The following APBA2 variants were observed in gnomAD, a reference collection of about 807,000 sequenced individuals.
The protein encoded by APBA2 is amyloid-beta A4 precursor protein-binding family A member 2.
In APBA2, 30 loss-of-function variants were observed where a neutral mutation model predicts 75.0. The ratio of observed to expected loss-of-function variants is 0.40; its 90% CI spans 0.30 to 0.54. APBA2 has a LOEUF of 0.54. APBA2 is among the 20% of genes least tolerant of loss of function. The pLI, the probability that APBA2 is intolerant of heterozygous loss-of-function variation, is 0.49. For missense variants in APBA2, 801 were observed against 1,016.1 expected, an observed-to-expected ratio of 0.79 and a Z score of 2.88; for synonymous variants, 444 against 409.6, an observed-to-expected ratio of 1.08 and a Z score of -1.01.
chr15:28,957,999 A>G (rs1289548981), intron 2 of APBA2, among the ~76,000 whole-genome samples: 2 of 152,202 alleles, frequency 1.3e-5, no homozygotes, highest in Admixed American at 6.5e-5. Context: ...GCGGGGGAGC[A>G]TTTGGAGGAC....
chr15:28,997,860 C>G (rs574896141), intron 3 of APBA2, among the ~76,000 whole-genome samples: 52 of 152,292 alleles, frequency 3.4e-4, no homozygotes, highest in African/African-American at 1.2e-3. Flanking sequence ...CCCAATTGCT[C>G]TCACCCATCT....
intron 2 of APBA2, among the ~76,000 whole-genome samples, chr15:28,928,156 A>G (rs1399781851): frequency 6.6e-6 from 1 of 151,370 alleles, no homozygotes; most frequent in Non-Finnish European, 1.5e-5. Context: ...AAAAAAAAAA[A>G]AAAGAAACAT....
intron 4 of APBA2, among the ~76,000 whole-genome samples, chr15:29,071,764 C>T (rs2042633080): frequency 6.6e-6 from 1 of 151,364 alleles, no homozygotes; most frequent in South Asian, 2.1e-4. Flanking sequence ...GGAAAGTAAC[C>T]CTGGCTGTTT....
chr15:29,099,237 AC>A (rs2152959309), intron 9 of APBA2, among the ~76,000 whole-genome samples: 1 of 152,214 alleles, frequency 6.6e-6, no homozygotes, highest in African/African-American at 2.4e-5. Flanking sequence ...ATGCCTCATC[AC>A]CCACCTGTGC....
intron 2 of APBA2, among the ~76,000 whole-genome samples, chr15:28,951,986 T>C (rs571666842): frequency 6.6e-6 from 1 of 151,220 alleles, no homozygotes; most frequent in East Asian, 2.0e-4. Context: ...CCTCATGGGT[T>C]CAAGGGATTC....
intron 2 of APBA2, among the ~76,000 whole-genome samples, chr15:28,925,039 C>G (rs1166434791): frequency 6.6e-6 from 1 of 151,976 alleles, no homozygotes; most frequent in Admixed American, 6.6e-5. Context: ...CTTTATCAAG[C>G]TGAAGATGGT....
At chr15:29,086,614 T>C (rs184132163) in intron 6 of APBA2, among the ~76,000 whole-genome samples, 50 of 152,314 alleles carry the variant, frequency 3.3e-4, no homozygotes, top group African/African-American at 1.1e-3. Context: ...AGAATAACAA[T>C]ACCAAACACT....
At chr15:29,002,856 G>A (rs369570828) in intron 3 of APBA2, among the ~76,000 whole-genome samples, 27 of 152,064 alleles carry the variant, frequency 1.8e-4, no homozygotes, top group Admixed American at 6.5e-5. Context: ...TGGGGAGGGC[G>A]GACTCATCAG....
intron 3 of APBA2, 131 bp from the exon 4 acceptor site, chr15:29,053,714 A>G (rs2041722491): frequency 3.2e-6 from 2 of 620,320 alleles, no homozygotes; most frequent in South Asian, 3.9e-5. Context: ...GGGATGGCGC[A>G]CTGTTTGAAC....
At chr15:29,051,967 T>TC (rs1223914056) in intron 3 of APBA2, among the ~76,000 whole-genome samples, 4 of 152,204 alleles carry the variant, frequency 2.6e-5, no homozygotes, top group South Asian at 2.1e-4. Flanking sequence ...TCCTTTTTTT[T>TC]CTTTTTAAAA....
intron 1 of APBA2, among the ~76,000 whole-genome samples, chr15:28,907,050 G>T (rs987595072): frequency 3.9e-5 from 6 of 152,128 alleles, no homozygotes; most frequent in Admixed American, 1.3e-4. Context: ...ATCTTACTTA[G>T]AGAAAGGGTT....
chr15:29,036,525 C>T (rs1001206846), intron 3 of APBA2, among the ~76,000 whole-genome samples: 2 of 152,098 alleles, frequency 1.3e-5, no homozygotes, highest in African/African-American at 2.4e-5. Flanking sequence ...AAGCTGCCTC[C>T]ACCCCAGCAA....
intron 3 of APBA2, among the ~76,000 whole-genome samples, chr15:29,052,347 C>T (rs1047516153): frequency 1.3e-5 from 2 of 150,486 alleles, no homozygotes; most frequent in Admixed American, 6.7e-5. Context: ...CCCAGCTACT[C>T]GGGAGGCTGA....
At chr15:28,938,443 GTTTATT>G (rs951694166) in intron 2 of APBA2, among the ~76,000 whole-genome samples, 2 of 152,124 alleles carry the variant, frequency 1.3e-5, no homozygotes, top group African/African-American at 2.4e-5. Context: ...CTGTTTAAAA[GTTTATT>G]TTTATTTTTA....
intron 3 of APBA2, among the ~76,000 whole-genome samples, chr15:29,010,859 T>TA (rs1400931980): frequency 3.9e-5 from 6 of 152,250 alleles, no homozygotes; most frequent in Non-Finnish European, 2.9e-5. Context: ...AAAATTGTAG[T>TA]AAAAAAACAC....
At chr15:29,012,185 C>T (rs1247349454) in intron 3 of APBA2, among the ~76,000 whole-genome samples, 1 of 152,092 alleles carries the variant, frequency 6.6e-6, no homozygotes, top group African/African-American at 2.4e-5. Context: ...TATCAAATGT[C>T]CTTTTGCTGT....
intron 1 of APBA2, among the ~76,000 whole-genome samples, chr15:28,894,692 G>A (rs2032354013): frequency 6.6e-6 from 1 of 152,276 alleles, no homozygotes; most frequent in East Asian, 1.9e-4. Context: ...GGTTGGGAGC[G>A]AAGCAGATGG....
intron 5 of APBA2, among the ~76,000 whole-genome samples, chr15:29,075,518 C>G (rs2042812936): frequency 6.6e-6 from 1 of 152,158 alleles, no homozygotes; most frequent in Non-Finnish European, 1.5e-5. Context: ...CAGACATTGC[C>G]TAATGATGTC....
chr15:28,940,336 C>T (rs2035125591), intron 2 of APBA2, among the ~76,000 whole-genome samples: 1 of 127,266 alleles, frequency 7.9e-6, no homozygotes, highest in Admixed American at 8.5e-5. Flanking sequence ...CACAGTGAAA[C>T]CCCGTCTCTA....
Sources: allele counts gnomAD v4.1 joint callset (sites outside exome capture counted in the v4.1 genomes callset), GRCh38; gene constraint gnomAD v4.1.1; transcripts MANE v1.5; gene names NCBI Gene and HGNC (gene_info 2026-07-23, HGNC 2026-07-21).